The following PRRC2B variants were observed in gnomAD, a reference collection of about 807,000 sequenced individuals.
PRRC2B encodes the protein proline rich coiled-coil 2B, also known as protein PRRC2B.
Under a neutral mutation model 242.3 loss-of-function variants are expected in PRRC2B, and 68 were observed. The ratio of observed to expected loss-of-function variants is 0.28; its 90% CI spans 0.23 to 0.34. The LOEUF (loss-of-function observed/expected upper bound fraction) is 0.34, where lower values mean the gene tolerates loss of function less well. Among genes scored for constraint, PRRC2B ranks in the 10% least tolerant of loss-of-function variants. The probability of loss-of-function intolerance (pLI) is 1.00; values close to 1 mark genes in which losing one functional copy is unlikely to be tolerated. For synonymous variants in PRRC2B, 1,228 were observed against 1,173.6 expected (o/e 1.05, Z -0.95); for missense variants, 2,835 against 2,954.8 (o/e 0.96, Z 0.94).
Position 131,487,706 on chromosome 9 carries a change from A to G in PRRC2B, c.5985-150A>G, listed in dbSNP as rs774002694. 1.3e-4 allele frequency: 130 copies of G among 1,019,194 alleles called. 1 individual carries two copies. The highest frequency in any genetic ancestry group is 1.8e-4 in the Non-Finnish European group (126 of 717,018). The allele number at this position is 1,019,194 out of a possible 1,614,324, so 63.1% of individuals were successfully genotyped here. A position where few individuals can be genotyped will look rare whatever the true frequency, so the allele number is the denominator to read the frequency against. ...CAGCGCCATCTAGGAGCTTGTTCTCAGGCCCCATCCTGGACCCTCTGAGTC... is the reference window on the plus strand; with the variant it reads ...CAGCGCCATCTAGGAGCTTGTTCTCGGGCCCCATCCTGGACCCTCTGAGTC... On this transcript the variant is annotated intron_variant, in intron 27 of 31. Coordinates refer to ENST00000683519, the MANE Select transcript of PRRC2B (RefSeq NM_013318.4). The surrounding 1 kb of genome is among the most constrained non-coding windows in gnomAD (Gnocchi z 5.3).
rs1053477321 is a variant in PRRC2B, at chr9:131,475,516, A to T, written c.3387A>T (p.Arg1129Ser). ...GCCCCAGAGCCAAGCCCCGACGGAG[A>T]GTTGCCAGTGAGACCCATAGCGAGG... ...EDCPRAKPRR[R>S]VASETHSEGS... is the part of the protein sequence containing the mutation. Residue 1129 changes from arginine (R) to serine (S), a missense_variant, in exon 16 of 32, where the codon AGA becomes AGT. Transcript: ENST00000683519. 1 of 1,609,402 alleles carries T rather than the reference A, an allele frequency of 6.2e-7. No homozygotes were observed. Among genetic ancestry groups the T allele is most frequent in the South Asian group, 1.1e-5 (1 of 90,910 alleles).
chr9:131,436,053 A>AGGTAT (rs1490212821), intron 3 of PRRC2B, among the ~76,000 whole-genome samples: 5 of 152,272 alleles, frequency 3.3e-5, no homozygotes, highest in African/African-American at 1.2e-4. Context: ...CCCTCTGAGT[A>AGGTAT]GGTATGGGCT....
At chr9:131,426,361 GAAAAAGAA>G (rs1837977457) in intron 1 of PRRC2B, among the ~76,000 whole-genome samples, 7 of 131,896 alleles carry the variant, frequency 5.3e-5, no homozygotes, top group Admixed American at 1.5e-4. Context: ...AAAAAAAAAA[GAAAAAGAA>G]AAAAAGAAGA....
chr9:131,409,001 G>T (rs1004010583), intron 1 of PRRC2B, among the ~76,000 whole-genome samples: 3 of 148,388 alleles, frequency 2.0e-5, no homozygotes, highest in African/African-American at 2.5e-5. Context: ...TTACAGGCAT[G>T]AGTCACTGCG....
intron 11 of PRRC2B, 58 bp downstream of exon 11, chr9:131,459,414 G>A (rs899138276): frequency 6.9e-7 from 1 of 1,451,330 alleles, no homozygotes; most frequent in Non-Finnish European, 9.4e-7. Context: ...GGGTGGCTGG[G>A]TTTCTGAGAA....
chr9:131,418,822 T>G (rs978233632), intron 1 of PRRC2B, among the ~76,000 whole-genome samples: 4 of 152,308 alleles, frequency 2.6e-5, no homozygotes, highest in Admixed American at 2.6e-4. Context: ...ATACACAGTG[T>G]TTTATGACCC....
At chr9:131,421,949 G>T (rs1201369768) in intron 1 of PRRC2B, among the ~76,000 whole-genome samples, 1 of 151,920 alleles carries the variant, frequency 6.6e-6, no homozygotes, top group African/African-American at 2.4e-5. Context: ...CATTCAGTCT[G>T]CAGCCTGGTG....
chr9:131,462,711 G>A (rs1020654118), intron 11 of PRRC2B, among the ~76,000 whole-genome samples: 5 of 151,114 alleles, frequency 3.3e-5, no homozygotes, highest in African/African-American at 4.9e-5. Flanking sequence ...GGTGCCGCAC[G>A]CCGGTATTCC....
intron 23 of PRRC2B, among the ~76,000 whole-genome samples, chr9:131,483,858 C>T (rs1943941185): frequency 2.0e-5 from 3 of 152,168 alleles, no homozygotes; most frequent in Non-Finnish European, 2.9e-5. Flanking sequence ...ACCATGGGCT[C>T]AGGAGCTGGC....
At chr9:131,448,542 TCAAAAAA>T (rs1402117608) in intron 9 of PRRC2B, among the ~76,000 whole-genome samples, 1 of 94,986 alleles carries the variant, frequency 1.1e-5, no homozygotes, top group African/African-American at 4.3e-5. Context: ...AGACACTGTC[TCAAAAAA>T]AAAAAAAAAA....
chr9:131,447,225 A>G lies in PRRC2B; in HGVS notation c.977+19A>G, dbSNP rs1400065067. ...AAGACGGGTGAGTCCATTGCATTAC[A>G]GTCACGTGTGTAGAGATGAGTGCGG... is the stretch of plus-strand genomic sequence containing the variant. On this transcript the variant is annotated intron_variant, in intron 8 of 31. Coordinates refer to ENST00000683519, the MANE Select transcript of PRRC2B (RefSeq NM_013318.4). The G allele has an allele frequency of 6.2e-7, 1 of 1,613,910 alleles. No homozygotes were observed. Among genetic ancestry groups the G allele is most frequent in the South Asian group, 1.1e-5 (1 of 91,066 alleles).
chr9:131,451,765 G>GT (rs1226345139), intron 9 of PRRC2B, among the ~76,000 whole-genome samples: 2 of 151,964 alleles, frequency 1.3e-5, no homozygotes, highest in Admixed American at 1.3e-4. Context: ...GAGCCTTTGG[G>GT]TTTTTTGTTT....
At position 131,459,232 on chromosome 9, in the gene PRRC2B, G is replaced by A. The variant is rs145301329; in HGVS notation, c.1280G>A (p.Arg427Gln). The A allele has an allele frequency of 1.2e-4, 200 of 1,613,946 alleles. No homozygotes were observed. The African/African-American group carries it at 2.3e-3, about 18-fold the overall frequency. The change falls in exon 11 of 32, where the codon CGG (arginine) becomes CAG (glutamine). Residue 427 changes from arginine to glutamine, a missense_variant. Physicochemically the swap from Arg to Gln is conservative, Grantham distance 43. Transcript: ENST00000683519. ...MSSADSADAK[R>Q]TREEGKDWAE... Reference sequence around the variant, plus strand: ...TCTGCAGACAGTGCGGACGCTAAGCGGACTCGAGAGGAAGGGAAGGACTGG... The same window carrying A: ...TCTGCAGACAGTGCGGACGCTAAGCAGACTCGAGAGGAAGGGAAGGACTGG...
At position 131,482,442 on chromosome 9, in the gene PRRC2B, C is replaced by T. The variant is rs1943895646; in HGVS notation, c.5055C>T (p.Thr1685=). 3.7e-6 allele frequency: 6 copies of T among 1,606,716 alleles called. No homozygotes were observed. The highest frequency in any genetic ancestry group is 2.7e-5 in the African/African-American group (2 of 74,796). Residue 1685 remains threonine, a synonymous_variant, in exon 21 of 32, where the codon ACC becomes ACT. Transcript: ENST00000683519. The surrounding 1 kb of genome is among the most constrained non-coding windows in gnomAD (Gnocchi z 5.2). ...LSAESRESSA[T]SSQRSSPYGT... ...CCGAGTCTCGGGAGTCGTCTGCGAC[C>T]TCCTCGCAGCGCAGCTCCCCATATG...
In PRRC2B at chr9:131,496,046, C is replaced by A; in HGVS notation, c.*172C>A. On this transcript the variant is annotated 3_prime_UTR_variant, in exon 32 of 32. Coordinates refer to ENST00000683519, the MANE Select transcript of PRRC2B (RefSeq NM_013318.4). ...AGCTCCGTTGTCAACCAGCTTGCAC[C>A]CGTGGATATATGGCATTGACCCGCT... 3 of 879,818 alleles carry A rather than the reference C, an allele frequency of 3.4e-6. No individual in the cohort carries two copies. The highest frequency in any genetic ancestry group is 1.8e-5 in the South Asian group (1 of 55,948). 54.5% of individuals were successfully genotyped at this position (879,818 alleles called of 1,614,324 possible).
At chr9:131,484,187 T>C (rs953748487) in intron 23 of PRRC2B, among the ~76,000 whole-genome samples, 2 of 152,232 alleles carry the variant, frequency 1.3e-5, no homozygotes, top group Admixed American at 6.5e-5. Flanking sequence ...TTCCAGCCTC[T>C]GTTACCAGAG....
intron 19 of PRRC2B, among the ~76,000 whole-genome samples, chr9:131,481,171 G>A (rs1195206750): frequency 4.6e-5 from 7 of 151,704 alleles, no homozygotes; most frequent in South Asian, 2.1e-4. Context: ...TTAGCCGGGC[G>A]TGGTGGCGGG....
chr9:131,427,899 T>C (rs1160976780), intron 1 of PRRC2B, among the ~76,000 whole-genome samples: 2 of 152,238 alleles, frequency 1.3e-5, no homozygotes. Context: ...TGATCACTTA[T>C]ACAAGTGTTT....
intron 29 of PRRC2B, 111 bp from the exon 30 acceptor site, chr9:131,492,058 C>T (rs1944210809): frequency 1.2e-6 from 1 of 826,050 alleles, no homozygotes; most frequent in Admixed American, 2.0e-5. Flanking sequence ...AGATGCCTCC[C>T]TGGGAATTCC....
Sources: allele counts gnomAD v4.1 joint callset (sites outside exome capture counted in the v4.1 genomes callset), GRCh38; gene constraint gnomAD v4.1.1; non-coding constraint Gnocchi (gnomAD v3.1); transcripts MANE v1.5; gene names NCBI Gene and HGNC (gene_info 2026-07-23, HGNC 2026-07-21).